Variants in CSMD1 observed in about 807,000 individuals in gnomAD.
The protein encoded by CSMD1 is CUB and Sushi multiple domains 1.
Under a neutral mutation model 417.5 loss-of-function variants are expected in CSMD1, and 213 were observed. That is an observed-to-expected ratio of 0.51 (90% CI 0.46 to 0.57). CSMD1 has a LOEUF of 0.57. CSMD1 is among the 20% of genes least tolerant of loss of function. CSMD1 has a pLI of 0.00. For missense variants in CSMD1, 6,923 were observed against 4,529.7 expected (o/e 1.53, Z -15.17); for synonymous variants, 2,862 against 1,736.8 (o/e 1.65, Z -16.11).
At chr8:4,424,755 C>A (rs75607701) in intron 2 of CSMD1, among the ~76,000 whole-genome samples, 13,158 of 152,084 alleles carry the variant, frequency 0.087, 808 homozygotes, top group Non-Finnish European at 0.12. Context: ...GGGAAACTGT[C>A]CCTATCTTCA....
chr8:4,867,149 A>T (rs1349342869), intron 1 of CSMD1, among the ~76,000 whole-genome samples: 3 of 152,104 alleles, frequency 2.0e-5, no homozygotes, highest in Non-Finnish European at 4.4e-5. Context: ...ATTTATATTT[A>T]CAATTTATTT....
intron 7 of CSMD1, among the ~76,000 whole-genome samples, chr8:3,654,958 G>A (rs1364155822): frequency 2.6e-5 from 4 of 152,168 alleles, no homozygotes; most frequent in African/African-American, 7.2e-5. Flanking sequence ...TTTGGAGCCT[G>A]ATGCATCTCA....
chr8:4,101,713 A>T lies in CSMD1; in HGVS notation c.416-69614T>A, dbSNP rs79829696. 5.2e-3 allele frequency among the ~76,000 whole-genome samples: 789 copies of T among 152,338 alleles called. 6 individuals carry two copies. The highest frequency in any genetic ancestry group is 0.018 in the African/African-American group (754 of 41,574). ...CCAAATGATTGAGTAATCAAACCAC[A>T]TTCCAGAGGAGAAAAGCAAACTGGG... On this transcript the variant is annotated intron_variant, in intron 3 of 69. Coordinates refer to ENST00000635120, the MANE Select transcript of CSMD1 (RefSeq NM_033225.6).
chr8:4,865,683 G>C (rs189589791), intron 1 of CSMD1, among the ~76,000 whole-genome samples: 29 of 151,704 alleles, frequency 1.9e-4, no homozygotes, highest in Non-Finnish European at 3.7e-4. Context: ...ATTGGGAGGG[G>C]TACTTCCATC....
rs185525558 is a variant in CSMD1 at position 4,448,375 on chromosome 8, C to T, written c.303-28310G>A. Among the ~76,000 whole-genome samples the T allele has an allele frequency of 1.8e-3, 280 of 152,214 alleles. 1 individual carries two copies. Among genetic ancestry groups the T allele is most frequent in the African/African-American group, 6.4e-3 (264 of 41,524 alleles). ...AACTCAATTAACAGGGAATAAAACA[C>T]GCCAGTTGTCCAACTCCTACTTTCA... is the stretch of plus-strand genomic sequence containing the variant. On this transcript the variant is annotated intron_variant, in intron 2 of 69. Coordinates refer to ENST00000635120, the MANE Select transcript of CSMD1 (RefSeq NM_033225.6).
intron 1 of CSMD1, among the ~76,000 whole-genome samples, chr8:4,753,406 CACACACACACACACACA>C (rs1811469337): frequency 1.9e-5 from 1 of 52,590 alleles, no homozygotes. Context: ...CCATAAACCA[CACACACACACACACACA>C]CACACACACA....
Position 3,406,216 on chromosome 8 carries a change from C to G in CSMD1, c.2077G>C (p.Gly693Arg), listed in dbSNP as rs1488638413. The G allele has an allele frequency of 1.3e-6, 2 of 1,594,798 alleles. No homozygotes were observed. ...RGFNITYTTF[G>R]QNECHDPGIP... ...CCAGGATCATGGCACTCATTCTGAC[C>G]AAATGCTGAAAGAAAAAGAAGAAGA... Residue 693 changes from glycine (G) to arginine (R), a missense_variant, in exon 15 of 70, where the codon GGT becomes CGT. Coordinates refer to ENST00000635120, the MANE Select transcript of CSMD1 (RefSeq NM_033225.6).
intron 3 of CSMD1, among the ~76,000 whole-genome samples, chr8:4,314,677 G>C (rs1269687239): frequency 6.6e-6 from 1 of 152,088 alleles, no homozygotes; most frequent in Admixed American, 6.5e-5. Context: ...TAAGTGTTAG[G>C]TCAAAATGCC....
intron 6 of CSMD1, among the ~76,000 whole-genome samples, chr8:3,742,437 C>T (rs1263872206): frequency 1.3e-5 from 2 of 152,122 alleles, no homozygotes; most frequent in Non-Finnish European, 2.9e-5. Flanking sequence ...TTTAATTGTG[C>T]TCCTCTATCT....
rs1261181256 is a variant in CSMD1, at chr8:4,590,026, C to G, written c.302+47316G>C. On this transcript the variant is annotated intron_variant, in intron 2 of 69. Transcript: ENST00000635120. Reference sequence around the variant, plus strand: ...AGTCAAAATGGCTCCAAATGCTTGTCTATGCTTTTTAACAATATTACATTT... The same window carrying G: ...AGTCAAAATGGCTCCAAATGCTTGTGTATGCTTTTTAACAATATTACATTT... Among the ~76,000 whole-genome samples, 4 of 152,262 alleles carry G rather than the reference C, an allele frequency of 2.6e-5. 1 individual carries two copies. The highest frequency in any genetic ancestry group is 9.6e-5 in the African/African-American group (4 of 41,550).
chr8:4,818,777 T>C (rs779344265), intron 1 of CSMD1, among the ~76,000 whole-genome samples: 18 of 152,242 alleles, frequency 1.2e-4, no homozygotes, highest in Non-Finnish European at 1.8e-4. Context: ...CATCGCTTGG[T>C]ACTTTGTAAA....
At chr8:4,815,805 TA>T (rs1333092927) in intron 1 of CSMD1, among the ~76,000 whole-genome samples, 1 of 152,072 alleles carries the variant, frequency 6.6e-6, no homozygotes, top group Non-Finnish European at 1.5e-5. Flanking sequence ...TCTTATAAAT[TA>T]TTCAAGTAAT....
chr8:3,595,850 C>G (rs1385771670), intron 8 of CSMD1, among the ~76,000 whole-genome samples: 1 of 152,192 alleles, frequency 6.6e-6, no homozygotes, highest in African/African-American at 2.4e-5. Context: ...GCTGTTTGCA[C>G]ACTGTGTGAA....
chr8:4,389,937 G>A (rs531816291), intron 3 of CSMD1, among the ~76,000 whole-genome samples: 2 of 152,254 alleles, frequency 1.3e-5, no homozygotes, highest in East Asian at 1.9e-4. Context: ...GAATAGCTCT[G>A]TGTATGTCCT....
chr8:3,464,166 T>C (rs1178495116), intron 12 of CSMD1, among the ~76,000 whole-genome samples: 2 of 152,190 alleles, frequency 1.3e-5, no homozygotes, highest in South Asian at 2.1e-4. Flanking sequence ...ACATGATTTC[T>C]GGAGATGCAG....
chr8:4,916,684 G>C (rs1806087659), intron 1 of CSMD1, among the ~76,000 whole-genome samples: 1 of 152,136 alleles, frequency 6.6e-6, no homozygotes, highest in Admixed American at 6.6e-5. Flanking sequence ...TTTTACAGCT[G>C]ATTTTATTTA....
At chr8:4,233,709 C>A (rs987868705) in intron 3 of CSMD1, among the ~76,000 whole-genome samples, 1 of 151,980 alleles carries the variant, frequency 6.6e-6, no homozygotes, top group Admixed American at 6.6e-5. Flanking sequence ...GTACAGCAGC[C>A]CCAACAGACT....
At chr8:3,549,071 C>G (rs1463947085) in intron 10 of CSMD1, among the ~76,000 whole-genome samples, 1 of 152,196 alleles carries the variant, frequency 6.6e-6, no homozygotes, top group Non-Finnish European at 1.5e-5. Context: ...CCCCACTTCC[C>G]TCTGCTGAAG....
intron 5 of CSMD1, among the ~76,000 whole-genome samples, chr8:3,858,567 C>T (rs938606336): frequency 1.8e-4 from 27 of 152,154 alleles, no homozygotes; most frequent in African/African-American, 5.8e-4. Flanking sequence ...AAATGGACTA[C>T]TTTCACGAGT....
Sources: allele counts gnomAD v4.1 joint callset (sites outside exome capture counted in the v4.1 genomes callset), GRCh38; gene constraint gnomAD v4.1.1; transcripts MANE v1.5; gene names NCBI Gene and HGNC (gene_info 2026-07-23, HGNC 2026-07-21).